CNBD2: variants seen among roughly 807,000 people sequenced by gnomAD.
The protein encoded by CNBD2 is cyclic nucleotide binding domain containing 2, also known as cyclic nucleotide-binding domain-containing protein 2.
In CNBD2, 64 loss-of-function variants were observed where a neutral mutation model predicts 63.7. That is an observed-to-expected ratio of 1.00 (90% CI 0.82 to 1.24). The LOEUF (loss-of-function observed/expected upper bound fraction) is 1.24, where lower values mean the gene tolerates loss of function less well. Ranked by LOEUF, CNBD2 falls within the 50% of genes most tolerant of loss-of-function variation. The pLI is 0.00. For missense variants in CNBD2, 691 were observed against 713.5 expected, an observed-to-expected ratio of 0.97 and a Z score of 0.36; for synonymous variants, 229 against 255.4, an observed-to-expected ratio of 0.90 and a Z score of 0.99.
intron 7 of CNBD2, among the ~76,000 whole-genome samples, chr20:35,993,679 C>T (rs1429870493): frequency 6.6e-6 from 1 of 151,990 alleles, no homozygotes; most frequent in Non-Finnish European, 1.5e-5. Context: ...TATGTTACTA[C>T]TAGTTATTTC....
intron 4 of CNBD2, among the ~76,000 whole-genome samples, chr20:35,982,922 A>G (rs1381969834): frequency 2.6e-5 from 4 of 151,942 alleles, no homozygotes; most frequent in Admixed American, 6.6e-5. Flanking sequence ...CTTGTTGCCC[A>G]CCCAGGAGTT....
intron 10 of CNBD2, among the ~76,000 whole-genome samples, chr20:36,022,217 T>TTTTTTG (rs561441076): frequency 2.6e-4 from 28 of 107,162 alleles, no homozygotes; most frequent in East Asian, 8.5e-4. Flanking sequence ...TTTTTTTTTT[T>TTTTTTG]GAGATGGAGT....
At position 35,962,552 on chromosome 20, in the gene CNBD2, G is replaced by A. The variant is rs894504779; in HGVS notation, c.228+4778G>A. On this transcript the variant is annotated intron_variant, in intron 2 of 4. Transcript: ENST00000622112. ...TGGGATTACAGGCGTGAGCCACCGCGCCCGGCCCCCTGCAGTCTTACTAAG... is the reference window on the plus strand; with the variant it reads ...TGGGATTACAGGCGTGAGCCACCGCACCCGGCCCCCTGCAGTCTTACTAAG... 6.6e-5 allele frequency among the ~76,000 whole-genome samples: 10 copies of A among 152,216 alleles called. No individual in the cohort carries two copies. The East Asian group carries it at 1.7e-3, about 26-fold the overall frequency.
intron 8 of CNBD2, among the ~76,000 whole-genome samples, chr20:36,005,435 T>C (rs776618050): frequency 3.3e-5 from 5 of 152,198 alleles, no homozygotes; most frequent in Non-Finnish European, 7.3e-5. Flanking sequence ...CATCTCCTGC[T>C]GTACAGCCTC....
chr20:36,013,348 T>C (rs1021738156), intron 10 of CNBD2, among the ~76,000 whole-genome samples: 4 of 151,396 alleles, frequency 2.6e-5, no homozygotes, highest in African/African-American at 9.7e-5. Flanking sequence ...AACCCGGGAG[T>C]TGGAGCTTGC....
intron 10 of CNBD2, 123 bp downstream of exon 10, chr20:36,011,380 G>T: frequency 8.1e-7 from 1 of 1,232,150 alleles, no homozygotes. Context: ...GAATTATGTT[G>T]ATTTGTAAAG....
intron 8 of CNBD2, among the ~76,000 whole-genome samples, chr20:36,004,259 A>G (rs1381265272): frequency 6.6e-6 from 1 of 152,128 alleles, no homozygotes; most frequent in Non-Finnish European, 1.5e-5. Context: ...TAGTTTCCCA[A>G]TACACATGTG....
At chr20:36,012,569 G>A (rs981167749) in intron 10 of CNBD2, among the ~76,000 whole-genome samples, 3 of 151,756 alleles carry the variant, frequency 2.0e-5, no homozygotes, top group East Asian at 1.9e-4. Context: ...GCCAGGCATC[G>A]TGGCTCACGC....
At chr20:35,975,215 A>G (rs1282500364) in intron 2 of CNBD2, among the ~76,000 whole-genome samples, 3 of 134,740 alleles carry the variant, frequency 2.2e-5, no homozygotes, top group South Asian at 2.3e-4. Context: ...GTTAGCCAGG[A>G]TGGTCTCGAT....
intron 8 of CNBD2, among the ~76,000 whole-genome samples, chr20:35,998,504 T>C (rs1042500050): frequency 6.6e-6 from 1 of 152,186 alleles, no homozygotes; most frequent in African/African-American, 2.4e-5. Context: ...GAATGTTAAG[T>C]AGGTGAAGTT....
chr20:35,975,846 C>T (rs949271211), intron 2 of CNBD2, 103 bp from the exon 3 acceptor site: 27 of 1,071,396 alleles, frequency 2.5e-5, no homozygotes, highest in Non-Finnish European at 3.5e-5. Context: ...CCCATGGCTT[C>T]CTGCCCACCA....
intron 8 of CNBD2, among the ~76,000 whole-genome samples, chr20:36,004,641 A>G (rs1046515247): frequency 1.3e-5 from 2 of 151,644 alleles, no homozygotes; most frequent in African/African-American, 4.8e-5. Flanking sequence ...TTCATAGCTA[A>G]TTGCAGCCTG....
At chr20:35,975,868 GTAGA>G in intron 2 of CNBD2, 77 bp from the exon 3 acceptor site, 1 of 1,298,770 alleles carries the variant, frequency 7.7e-7, no homozygotes, top group East Asian at 2.3e-5. Context: ...GGTGGTCCAG[GTAGA>G]CAGGAGGGCT....
intron 11 of CNBD2, among the ~76,000 whole-genome samples, chr20:36,028,405 T>A (rs912161900): frequency 6.6e-6 from 1 of 152,120 alleles, no homozygotes; most frequent in Non-Finnish European, 1.5e-5. Flanking sequence ...ATATCCATTA[T>A]CTAGCTCAAA....
chr20:35,998,041 T>G (rs2056848844), intron 8 of CNBD2, among the ~76,000 whole-genome samples: 1 of 118,680 alleles, frequency 8.4e-6, no homozygotes, highest in African/African-American at 4.0e-5. Context: ...TTTCTTTTTC[T>G]TTTTTTTTTT....
intron 10 of CNBD2, among the ~76,000 whole-genome samples, chr20:36,022,014 C>CT (rs11453771): frequency 0.24 from 34,463 of 143,342 alleles, 4,834 homozygotes; most frequent in African/African-American, 0.38. Flanking sequence ...TTTTATTTTA[C>CT]TTTTTTTTTT....
intron 8 of CNBD2, among the ~76,000 whole-genome samples, chr20:35,996,494 ATAG>A (rs1342014930): frequency 1.3e-5 from 2 of 151,274 alleles, no homozygotes; most frequent in South Asian, 2.1e-4. Flanking sequence ...AATTCTCATA[ATAG>A]CTCTCTTTTT....
chr20:35,975,092 C>T (rs1444062480), intron 2 of CNBD2: 1 of 141,362 alleles, frequency 7.1e-6, no homozygotes, highest in Non-Finnish European at 1.5e-5. Flanking sequence ...AGCTCCGCCT[C>T]CCGGGTTCAC....
intron 10 of CNBD2, among the ~76,000 whole-genome samples, chr20:36,011,540 C>A (rs1380079467): frequency 6.6e-6 from 1 of 152,032 alleles, no homozygotes; most frequent in Non-Finnish European, 1.5e-5. Flanking sequence ...CAAAAATTAG[C>A]TGGGCATGGT....
Sources: allele counts gnomAD v4.1 joint callset (sites outside exome capture counted in the v4.1 genomes callset), GRCh38; gene constraint gnomAD v4.1.1; transcripts MANE v1.5; gene names NCBI Gene and HGNC (gene_info 2026-07-23, HGNC 2026-07-21).